The following SETBP1 variants were observed in gnomAD, a reference collection of about 807,000 sequenced individuals.
SETBP1 encodes SET binding protein 1.
In SETBP1, 9 loss-of-function variants were observed where a neutral mutation model predicts 101.0. The ratio of observed to expected loss-of-function variants is 0.09; its 90% CI spans 0.05 to 0.16. SETBP1 has a LOEUF of 0.16. Ranked by LOEUF, SETBP1 falls within the 10% of genes least tolerant of loss-of-function variation. The pLI is 1.00. For synonymous variants in SETBP1, 818 were observed against 788.5 expected (o/e 1.04, Z -0.63); for missense variants, 1,858 against 2,033.8 (o/e 0.91, Z 1.66).
At chr18:44,826,900 G>A (rs957833910) in intron 2 of SETBP1, among the ~76,000 whole-genome samples, 1 of 152,156 alleles carries the variant, frequency 6.6e-6, no homozygotes, top group African/African-American at 2.4e-5. Flanking sequence ...GGAACACCAA[G>A]GATCCTTAAT....
chr18:44,722,203 G>A (rs980570924), intron 2 of SETBP1, among the ~76,000 whole-genome samples: 1 of 152,162 alleles, frequency 6.6e-6, no homozygotes, highest in South Asian at 2.1e-4. Context: ...TGTTTGGGGG[G>A]CCTGGATTTG....
chr18:44,874,024 T>A (rs1228290015), intron 3 of SETBP1, among the ~76,000 whole-genome samples: 1 of 152,222 alleles, frequency 6.6e-6, no homozygotes, highest in African/African-American at 2.4e-5. Context: ...AGCGTGCCAC[T>A]GGGATAGCTT....
intron 1 of SETBP1, among the ~76,000 whole-genome samples, chr18:44,690,996 G>C (rs986950774): frequency 6.6e-6 from 1 of 152,110 alleles, no homozygotes; most frequent in African/African-American, 2.4e-5. Context: ...AGAAAAGGCA[G>C]ATGAGAAAAC....
intron 3 of SETBP1, among the ~76,000 whole-genome samples, chr18:44,905,421 T>C (rs924581096): frequency 6.6e-6 from 1 of 152,224 alleles, no homozygotes; most frequent in African/African-American, 2.4e-5. Flanking sequence ...ATGTATATGT[T>C]ATTTACTTTA....
At chr18:44,915,562 A>C (rs188053551) in intron 3 of SETBP1, among the ~76,000 whole-genome samples, 1 of 152,210 alleles carries the variant, frequency 6.6e-6, no homozygotes, top group African/African-American at 2.4e-5. Context: ...AAGGACTCAA[A>C]TGTGCAGTAT....
intron 3 of SETBP1, among the ~76,000 whole-genome samples, chr18:44,932,285 G>A (rs1255400218): frequency 1.3e-5 from 2 of 152,224 alleles, no homozygotes; most frequent in Non-Finnish European, 1.5e-5. Flanking sequence ...CTTCTGGCTT[G>A]TAGAGTTTCT....
rs550626804 is a variant in SETBP1 at position 44,830,885 on chromosome 18, T to C, written c.487-38345T>C. 4.8e-4 allele frequency among the ~76,000 whole-genome samples: 73 copies of C among 152,324 alleles called. No homozygotes were observed. The South Asian group carries it at 0.014, about 30-fold the overall frequency. ...GGATTCACAAAACAGTACATTGTGT[T>C]TTCTCCAGTTTGAAGTGTTTCCTTG... On this transcript the variant is annotated intron_variant, in intron 2 of 5. Coordinates refer to ENST00000649279, the MANE Select transcript of SETBP1 (RefSeq NM_015559.3).
Position 44,698,448 on chromosome 18 carries a change from C to T in SETBP1, c.-172-2727C>T, listed in dbSNP as rs560346614. 9.8e-5 allele frequency among the ~76,000 whole-genome samples: 15 copies of T among 152,328 alleles called. No homozygotes were observed. The South Asian group carries it at 2.9e-3, about 29-fold the overall frequency. Reference sequence around the variant, plus strand: ...TGACCTTTTATTTCCAGCCTCACCTCTCATAGATTCCCAGTTTCTACCATA... The same window carrying T: ...TGACCTTTTATTTCCAGCCTCACCTTTCATAGATTCCCAGTTTCTACCATA... On this transcript the variant is annotated intron_variant, in intron 1 of 5. Transcript: ENST00000649279.
At chr18:44,779,926 A>ACG (rs2071088753) in intron 2 of SETBP1, among the ~76,000 whole-genome samples, 1 of 151,678 alleles carries the variant, frequency 6.6e-6, no homozygotes, top group Admixed American at 6.6e-5. Context: ...ACACACACAC[A>ACG]CACGCACGCA....
At chr18:44,793,016 A>G (rs762380655) in intron 2 of SETBP1, among the ~76,000 whole-genome samples, 2 of 152,216 alleles carry the variant, frequency 1.3e-5, no homozygotes, top group African/African-American at 2.4e-5. Context: ...CCTTCTGGTT[A>G]CATGGAGTGG....
chr18:44,764,943 G>T (rs2070734917), intron 2 of SETBP1, among the ~76,000 whole-genome samples: 1 of 152,306 alleles, frequency 6.6e-6, no homozygotes, highest in East Asian at 1.9e-4. Context: ...ATAGTGCCTG[G>T]CACAGAGTGC....
chr18:44,776,228 C>A lies in SETBP1; in HGVS notation c.486+74396C>A, dbSNP rs1053171133. Among the ~76,000 whole-genome samples the A allele has an allele frequency of 4.6e-5, 7 of 152,250 alleles. 1 individual carries two copies. The highest frequency in any genetic ancestry group is 2.1e-4 in the South Asian group (1 of 4,814). On this transcript the variant is annotated intron_variant, in intron 2 of 5. Coordinates refer to ENST00000649279, the MANE Select transcript of SETBP1 (RefSeq NM_015559.3). ...TTCTCCCCTGGTATTTTCTTCCCCC[C>A]ACCTTCTTCCAGGGCTCCACCGCGC...
chr18:45,034,670 T>C (rs1345802417), intron 4 of SETBP1, among the ~76,000 whole-genome samples: 1 of 152,212 alleles, frequency 6.6e-6, no homozygotes, highest in African/African-American at 2.4e-5. Context: ...TTATTAGCAT[T>C]GTTATTTTCC....
chr18:44,992,203 T>A (rs1369978630), intron 4 of SETBP1, among the ~76,000 whole-genome samples: 6 of 152,068 alleles, frequency 3.9e-5, no homozygotes, highest in Non-Finnish European at 7.4e-5. Context: ...AATTGGAAAT[T>A]GTTTATTAAA....
intron 2 of SETBP1, among the ~76,000 whole-genome samples, chr18:44,818,853 T>C (rs1210665325): frequency 6.6e-6 from 1 of 151,870 alleles, no homozygotes; most frequent in Non-Finnish European, 1.5e-5. Context: ...TGTGAAAACA[T>C]GCTACCATAC....
At chr18:44,776,521 A>C (rs930268354) in intron 2 of SETBP1, among the ~76,000 whole-genome samples, 3 of 152,162 alleles carry the variant, frequency 2.0e-5, no homozygotes, top group African/African-American at 7.2e-5. Context: ...AGGAAATTTC[A>C]TGGTAAATAT....
intron 2 of SETBP1, among the ~76,000 whole-genome samples, chr18:44,781,930 C>T (rs1293475009): frequency 1.3e-5 from 2 of 152,214 alleles, no homozygotes; most frequent in South Asian, 4.1e-4. Context: ...CTGTTTAAAT[C>T]AAACACAACT....
chr18:44,815,642 A>G (rs2071959068), intron 2 of SETBP1, among the ~76,000 whole-genome samples: 2 of 152,186 alleles, frequency 1.3e-5, no homozygotes, highest in Admixed American at 1.3e-4. Flanking sequence ...ATGCAGGGCA[A>G]GTGATAGGAC....
intron 2 of SETBP1, among the ~76,000 whole-genome samples, chr18:44,755,691 G>A (rs955897049): frequency 1.3e-5 from 2 of 152,094 alleles, no homozygotes; most frequent in Non-Finnish European, 2.9e-5. Context: ...AGACATGCTT[G>A]TGGCTCCTCT....
Sources: allele counts gnomAD v4.1 joint callset (sites outside exome capture counted in the v4.1 genomes callset), GRCh38; gene constraint gnomAD v4.1.1; transcripts MANE v1.5; gene names NCBI Gene and HGNC (gene_info 2026-07-23, HGNC 2026-07-21).